Variants in ABCB7 observed in about 807,000 individuals in gnomAD.
The protein encoded by ABCB7 is ATP binding cassette subfamily B member 7, also known as iron-sulfur clusters transporter ABCB7, mitochondrial.
ABCB7 carries 7 observed loss-of-function variants against 54.4 expected under a neutral mutation model. That is an observed-to-expected ratio of 0.13 (90% CI 0.07 to 0.24). The LOEUF (loss-of-function observed/expected upper bound fraction) is 0.24. Ranked by LOEUF, ABCB7 falls within the 10% of genes least tolerant of loss-of-function variation. The pLI is 1.00. For missense variants in ABCB7, 356 were observed against 570.4 expected (o/e 0.62, Z 3.83); for synonymous variants, 218 against 207.1 (o/e 1.05, Z -0.45).
At chrX:75,078,916 C>A (rs1052596280) in intron 4 of ABCB7, among the ~76,000 whole-genome samples, 3 of 111,834 alleles carry the variant, frequency 2.7e-5, no homozygotes, top group Non-Finnish European at 5.6e-5. Flanking sequence ...CCAGGTTTTC[C>A]ATTTAAGGAT....
chrX:75,125,246 A>G (rs922648985), intron 1 of ABCB7, among the ~76,000 whole-genome samples: 3 of 111,671 alleles, frequency 2.7e-5, no homozygotes, highest in Non-Finnish European at 5.7e-5. Context: ...CAAGCCGTCC[A>G]TAAGTAGGAT....
intron 6 of ABCB7, among the ~76,000 whole-genome samples, chrX:75,074,762 T>C (rs777079756): frequency 9.0e-6 from 1 of 111,568 alleles, no homozygotes; most frequent in East Asian, 2.8e-4. Context: ...ATACCACATG[T>C]TCTCACTTAT....
intron 4 of ABCB7, among the ~76,000 whole-genome samples, chrX:75,090,722 A>G (rs934042636): frequency 1.1e-4 from 12 of 111,265 alleles, no homozygotes; most frequent in African/African-American, 3.6e-4. Context: ...AAAATTGCTA[A>G]GTCTCTAGTC....
chrX:75,065,282 A>G, intron 12 of ABCB7, 41 bp from the exon 13 acceptor site: 5 of 1,079,105 alleles, frequency 4.6e-6, no homozygotes, highest in Non-Finnish European at 3.8e-6. Flanking sequence ...CTATATCTAT[A>G]TATCTCTCTC....
chrX:75,055,578 AAC>A (rs2081232623), intron 15 of ABCB7, among the ~76,000 whole-genome samples: 4 of 105,307 alleles, frequency 3.8e-5, no homozygotes, highest in African/African-American at 1.0e-4. Context: ...AAAAAAAAAA[AAC>A]AACCAAAAAA....
rs184486227 is a variant in ABCB7, at chrX:75,065,178, G to A, written c.1723C>T (p.Pro575Ser). 20 of 1,207,423 alleles carry A rather than the reference G, an allele frequency of 1.7e-5. No homozygotes were observed. The East Asian group carries it at 4.4e-4, about 27-fold the overall frequency. ...NLLYGNISAS[P>S]EEVYAVAKLA... ...TTTGCCACTGCATACACTTCCTCAG[G>A]TGAAGCACTGATGTTTCCATATAAG... is the stretch of plus-strand genomic sequence containing the variant. Residue 575 changes from proline (P) to serine (S), a missense_variant, in exon 13 of 16, where the codon CCT becomes TCT. By Grantham distance (74) the Pro-to-Ser change is moderately conservative (BLOSUM62 -1). This residue lies in a region of ABCB7 where 241 missense variants were observed against 470.9 expected (regional missense o/e 0.51). Transcript: ENST00000373394.
intron 1 of ABCB7, among the ~76,000 whole-genome samples, chrX:75,149,195 C>G (rs945769243): frequency 9.0e-6 from 1 of 111,728 alleles, no homozygotes; most frequent in African/African-American, 3.3e-5. Context: ...AAAACTTAAT[C>G]AGAGGACTAA....
chrX:75,139,928 T>A (rs1269897519), intron 1 of ABCB7, among the ~76,000 whole-genome samples: 1 of 111,823 alleles, frequency 8.9e-6, no homozygotes, highest in Non-Finnish European at 1.9e-5. Context: ...CAATATCAAC[T>A]GTACATACAC....
chrX:75,051,086 C>T lies in ABCB7; in HGVS notation c.*2284G>A, dbSNP rs751658187. 4.1e-4 allele frequency among the ~76,000 whole-genome samples: 45 copies of T among 109,267 alleles called. No homozygotes were observed. The highest frequency in any genetic ancestry group is 1.5e-3 in the African/African-American group (44 of 29,998). 94.9% of individuals were successfully genotyped at this position (109,267 alleles called of 115,157 possible). A position where few individuals can be genotyped will look rare whatever the true frequency, so the allele number is the denominator to read the frequency against. On this transcript the variant is annotated 3_prime_UTR_variant, in exon 16 of 16. Coordinates refer to ENST00000373394, the MANE Select transcript of ABCB7 (RefSeq NM_001271696.3). ...AACTGGTTTATTAAAAGTACTCACCCCACCCCCAGAAGAGCAGTAACAACT... is the reference window on the plus strand; with the variant it reads ...AACTGGTTTATTAAAAGTACTCACCTCACCCCCAGAAGAGCAGTAACAACT...
At chrX:75,059,714 A>G (rs2081267563) in intron 15 of ABCB7, among the ~76,000 whole-genome samples, 1 of 111,646 alleles carries the variant, frequency 9.0e-6, no homozygotes, top group African/African-American at 3.3e-5. Context: ...GTATACTCAT[A>G]TAGTAATTCC....
intron 9 of ABCB7, 67 bp from the exon 10 acceptor site, chrX:75,070,589 G>A: frequency 9.5e-7 from 1 of 1,047,933 alleles, no homozygotes; most frequent in South Asian, 1.9e-5. Flanking sequence ...TTTACGATAG[G>A]TTTATAGTCT....
rs1420153199 is a variant in ABCB7 at position 75,051,931 on chromosome X, C to T, written c.*1439G>A. ...GGAAATATAAAAGGAAATGAACTTT[C>T]TAAGCTTTTCAGATTACTCCCAGTA... On this transcript the variant is annotated 3_prime_UTR_variant, in exon 16 of 16. Coordinates refer to ENST00000373394, the MANE Select transcript of ABCB7 (RefSeq NM_001271696.3). The T allele has an allele frequency of 8.9e-6, 1 of 112,275 alleles. No individual in the cohort carries two copies. Among genetic ancestry groups the T allele is most frequent in the African/African-American group, 3.2e-5 (1 of 30,915 alleles). 9.3% of individuals were successfully genotyped at this position (112,275 alleles called of 1,213,427 possible).
At chrX:75,123,579 G>A (rs1286985992) in intron 1 of ABCB7, among the ~76,000 whole-genome samples, 1 of 111,014 alleles carries the variant, frequency 9.0e-6, no homozygotes. Flanking sequence ...ATTTTTATAG[G>A]GATTGTGTTG....
At chrX:75,118,812 T>TC (rs2081847136) in intron 1 of ABCB7, among the ~76,000 whole-genome samples, 1 of 111,379 alleles carries the variant, frequency 9.0e-6, no homozygotes, top group Non-Finnish European at 1.9e-5. Flanking sequence ...GATGTCCCCA[T>TC]CCCCCACTGA....
chrX:75,116,817 T>C (rs1291023453), intron 1 of ABCB7, among the ~76,000 whole-genome samples: 2 of 110,803 alleles, frequency 1.8e-5, no homozygotes, highest in African/African-American at 6.6e-5. Flanking sequence ...CATAAAGACC[T>C]GGCTGGTAAA....
At chrX:75,147,885 G>A in intron 1 of ABCB7, among the ~76,000 whole-genome samples, 1 of 112,369 alleles carries the variant, frequency 8.9e-6, no homozygotes, top group South Asian at 3.7e-4. Context: ...GAAGGCCGAG[G>A]TGGGCGGATC....
intron 1 of ABCB7, among the ~76,000 whole-genome samples, chrX:75,123,298 A>G (rs2081896718): frequency 8.9e-6 from 1 of 111,789 alleles, no homozygotes; most frequent in Non-Finnish European, 1.9e-5. Flanking sequence ...TCTTTTCCAC[A>G]TTTTGTACTT....
At chrX:75,070,866 T>G (rs1219001399) in intron 9 of ABCB7, among the ~76,000 whole-genome samples, 1 of 110,923 alleles carries the variant, frequency 9.0e-6, no homozygotes, top group Non-Finnish European at 1.9e-5. Context: ...TTAGTATACA[T>G]TAAAAATTGG....
At position 75,147,055 on chromosome X, in the gene ABCB7, CA is replaced by C. The variant is rs375741584; in HGVS notation, c.168+9049del. On this transcript the variant is annotated intron_variant, in intron 1 of 15. Coordinates refer to ENST00000373394, the MANE Select transcript of ABCB7 (RefSeq NM_001271696.3). ...GACATACATGCAGCCAACAAGCACACAAAAAAAAAAATGCTCAACATCACTA... is the reference window on the plus strand; with the variant it reads ...GACATACATGCAGCCAACAAGCACACAAAAAAAAAATGCTCAACATCACTA... 5.8e-3 allele frequency among the ~76,000 whole-genome samples: 577 copies of C among 100,309 alleles called. 4 individuals are homozygous for C. Among genetic ancestry groups the C allele is most frequent in the African/African-American group, 8.9e-3 (247 of 27,743 alleles). The allele number at this position is 100,309 out of a possible 115,157, so 87.1% of individuals were successfully genotyped here. A position where few individuals can be genotyped will look rare whatever the true frequency, so the allele number is the denominator to read the frequency against.
Sources: allele counts gnomAD v4.1 joint callset (sites outside exome capture counted in the v4.1 genomes callset), GRCh38; gene constraint gnomAD v4.1.1; regional missense constraint gnomAD v4.1.1; transcripts MANE v1.5; gene names NCBI Gene and HGNC (gene_info 2026-07-23, HGNC 2026-07-21).